The following WNK2 variants were observed in gnomAD, a reference collection of about 807,000 sequenced individuals.
WNK2 encodes WNK lysine deficient protein kinase 2.
Under a neutral mutation model 192.1 loss-of-function variants are expected in WNK2, and 67 were observed. That is an observed-to-expected ratio of 0.35 (90% confidence interval 0.29 to 0.43). The LOEUF is 0.43. Ranked by LOEUF, WNK2 falls within the 20% of genes least tolerant of loss-of-function variation. The pLI is 1.00. For synonymous variants in WNK2, 1,439 were observed against 1,393.9 expected (o/e 1.03, Z -0.72); for missense variants, 2,698 against 3,089.7 (o/e 0.87, Z 3.01).
rs545090826 is a variant in WNK2, at chr9:93,262,657, G to T, written c.3361-13G>T. On this transcript the variant is annotated splice_polypyrimidine_tract_variant and intron_variant, in intron 13 of 29. Coordinates refer to ENST00000427277, the MANE Select transcript of WNK2 (RefSeq NM_006648.4). ...GCATGACCTGTTCTCTTTTCTCCGGGTGTTTATTTCAGGAGCAGGCCTCAC... is the reference window on the plus strand; with the variant it reads ...GCATGACCTGTTCTCTTTTCTCCGGTTGTTTATTTCAGGAGCAGGCCTCAC... 45 of 1,612,700 alleles carry T rather than the reference G, an allele frequency of 2.8e-5. No individual in the cohort carries two copies. The highest frequency in any genetic ancestry group is 3.6e-5 in the Non-Finnish European group (42 of 1,179,880).
intron 27 of WNK2, 198 bp downstream of exon 27, chr9:93,307,019 C>T (rs1022690229): frequency 2.2e-5 from 14 of 650,190 alleles, no homozygotes; most frequent in Non-Finnish European, 3.0e-5. Context: ...CCGTGTGTCT[C>T]GTGGCGCCTA....
Position 93,247,694 on chromosome 9 carries a change from GGGGTCCGCCGGT to G in WNK2, c.1696_1707del (p.Gly566_Val569del). 6.4e-7 allele frequency: 1 copy of G among 1,566,832 alleles called. No individual in the cohort carries two copies. Among genetic ancestry groups the G allele is most frequent in the Non-Finnish European group, 8.6e-7 (1 of 1,156,094 alleles). ...GATGTGGGCAGCCCGGACAAGGCCA[GGGGTCCGCCGGT>G]GCCCCTGCAGGTCCAGGTGACCTAC... On this transcript the variant is annotated inframe_deletion, in exon 8 of 30. Coordinates refer to ENST00000427277, the MANE Select transcript of WNK2 (RefSeq NM_006648.4). The surrounding 1 kb of genome is among the most constrained non-coding windows in gnomAD (Gnocchi z 5.2).
At chr9:93,184,609 C>T (rs1427405266) in intron 1 of WNK2, among the ~76,000 whole-genome samples, 3 of 152,132 alleles carry the variant, frequency 2.0e-5, no homozygotes, top group Non-Finnish European at 2.9e-5. Context: ...GGGCAGGGCG[C>T]GAGATCCCTC....
chr9:93,298,974 G>C, intron 24 of WNK2, 96 bp from the exon 25 acceptor site: 5 of 1,333,860 alleles, frequency 3.7e-6, no homozygotes, highest in Non-Finnish European at 5.0e-6. Flanking sequence ...CTTCCCCAAG[G>C]TCACCCAGCA....
chr9:93,217,617 T>G (rs765865294), intron 2 of WNK2, among the ~76,000 whole-genome samples: 23 of 152,208 alleles, frequency 1.5e-4, no homozygotes, highest in Admixed American at 1.0e-3. Context: ...CTCACCCCCA[T>G]GCTGCTTTAC....
At chr9:93,258,881 C>T (rs1023110415) in intron 11 of WNK2, 50 bp from the exon 12 acceptor site, 20 of 1,527,200 alleles carry the variant, frequency 1.3e-5, no homozygotes, top group African/African-American at 4.1e-5. Context: ...GTGCTGTGGG[C>T]AGGGACCCTG....
chr9:93,287,678 G>A (rs1422772393), intron 19 of WNK2, among the ~76,000 whole-genome samples: 2 of 152,106 alleles, frequency 1.3e-5, no homozygotes, highest in African/African-American at 2.4e-5. Flanking sequence ...ACGAGGGAGG[G>A]CATCAGGGTC....
intron 5 of WNK2, among the ~76,000 whole-genome samples, chr9:93,238,005 C>T (rs1287261269): frequency 6.6e-6 from 1 of 152,208 alleles, no homozygotes; most frequent in East Asian, 1.9e-4. Context: ...CTGCTCTGGG[C>T]AGTGAGCTGG....
In WNK2 at chr9:93,239,887, A is replaced by C; in HGVS notation, c.1453A>C (p.Lys485Gln). ...GAGGCTCTGGGTGGAAGACCCCAAG[A>C]AACTGAAGGGAAAGCCCAAGGACAA... ...ALRLWVEDPK[K>Q]LKGKPKDNGA... is the part of the protein sequence containing the mutation. Residue 485 changes from lysine to glutamine, a missense_variant, in exon 7 of 30, where the codon AAA becomes CAA. Lys to Gln is a moderately conservative substitution (Grantham distance 53, BLOSUM62 1). This residue lies in a region of WNK2 where 230 missense variants were observed against 501.1 expected (regional missense o/e 0.46). Coordinates refer to ENST00000427277, the MANE Select transcript of WNK2 (RefSeq NM_006648.4). The surrounding 1 kb of genome is among the most constrained non-coding windows in gnomAD (Gnocchi z 4.2). The C allele has an allele frequency of 6.2e-7, 1 of 1,610,406 alleles. No homozygotes were observed. Among genetic ancestry groups the C allele is most frequent in the East Asian group, 2.2e-5 (1 of 44,784 alleles).
At chr9:93,186,117 A>G (rs894246693) in intron 2 of WNK2, among the ~76,000 whole-genome samples, 6 of 152,208 alleles carry the variant, frequency 3.9e-5, no homozygotes, top group Non-Finnish European at 8.8e-5. Flanking sequence ...CTGCCCCAGC[A>G]GGGATACCTG....
At chr9:93,245,028 C>T (rs928633249) in intron 7 of WNK2, among the ~76,000 whole-genome samples, 3 of 152,054 alleles carry the variant, frequency 2.0e-5, no homozygotes, top group Non-Finnish European at 4.4e-5. Flanking sequence ...CCCCCTCCCC[C>T]GCCCCACTTA....
chr9:93,293,687 T>C (rs1849746065), intron 23 of WNK2, among the ~76,000 whole-genome samples: 1 of 152,130 alleles, frequency 6.6e-6, no homozygotes, highest in Admixed American at 6.5e-5. Flanking sequence ...CCCACCCTGC[T>C]GTCTGCTTGG....
At chr9:93,212,903 G>T (rs969137240) in intron 2 of WNK2, among the ~76,000 whole-genome samples, 1 of 152,214 alleles carries the variant, frequency 6.6e-6, no homozygotes, top group African/African-American at 2.4e-5. Context: ...CTTGGACTCA[G>T]AATTTTGGAC....
intron 19 of WNK2, among the ~76,000 whole-genome samples, chr9:93,283,644 G>C (rs1848045490): frequency 6.6e-6 from 1 of 152,174 alleles, no homozygotes; most frequent in South Asian, 2.1e-4. Context: ...TACCCTTCAT[G>C]GTGACAAGAT....
intron 29 of WNK2, chr9:93,318,167 A>T: frequency 6.7e-7 from 1 of 1,500,188 alleles, no homozygotes; most frequent in Non-Finnish European, 8.8e-7. Context: ...TGTTAAAAAA[A>T]ATTATCGGAA....
At chr9:93,282,599 C>G (rs1239486408) in intron 19 of WNK2, among the ~76,000 whole-genome samples, 1 of 151,944 alleles carries the variant, frequency 6.6e-6, no homozygotes, top group Non-Finnish European at 1.5e-5. Flanking sequence ...GATTTTAAGG[C>G]AAAAACATAA....
At chr9:93,184,489 C>G (rs1008934837) in intron 1 of WNK2, among the ~76,000 whole-genome samples, 104 bp downstream of exon 1, 3 of 151,952 alleles carry the variant, frequency 2.0e-5, no homozygotes, top group African/African-American at 7.2e-5. Context: ...GGGCCCGCGT[C>G]CTTTGTGGAG....
intron 2 of WNK2, among the ~76,000 whole-genome samples, chr9:93,191,217 G>A (rs1456315838): frequency 6.6e-6 from 1 of 152,092 alleles, no homozygotes; most frequent in Admixed American, 6.6e-5. Flanking sequence ...GGACAGCTGG[G>A]GGCTTACTCT....
At chr9:93,279,697 A>T (rs1847433963) in intron 19 of WNK2, among the ~76,000 whole-genome samples, 1 of 152,236 alleles carries the variant, frequency 6.6e-6, no homozygotes, top group Non-Finnish European at 1.5e-5. Flanking sequence ...TGTGGTATTG[A>T]TGCAAAGACA....
Sources: gnomAD v4.1 joint callset for allele counts (sites outside exome capture counted in the v4.1 genomes callset) on GRCh38, gnomAD v4.1.1 for gene constraint, gnomAD v4.1.1 regional missense constraint, Gnocchi (gnomAD v3.1) non-coding constraint, MANE v1.5 for transcripts, NCBI Gene and HGNC (gene_info 2026-07-23, HGNC 2026-07-21) for gene names.